Variants in TBL1Y observed in about 807,000 individuals in gnomAD.
TBL1Y encodes F-box-like/WD repeat-containing protein TBL1Y.
In TBL1Y, 15 loss-of-function variants were observed where a neutral mutation model predicts 12.0. The observed-to-expected ratio is 1.25, with a 90% confidence interval of 0.83 to 1.92. The LOEUF (loss-of-function observed/expected upper bound fraction) is 1.92. Ranked by LOEUF, TBL1Y falls within the 40% of genes most tolerant of loss-of-function variation. The pLI is 0.00. For missense variants in TBL1Y, 148 were observed against 116.7 expected (o/e 1.27, Z -1.24); for synonymous variants, 53 against 42.6 (o/e 1.24, Z -0.95).
intron 4 of TBL1Y, among the ~76,000 whole-genome samples, chrY:6,996,965 C>G: frequency 6.0e-5 from 2 of 33,289 alleles, no homozygotes; most frequent in South Asian, 1.4e-3. Context: ...ACAAACTACA[C>G]AGAAACTGGA....
At chrY:7,062,868 C>G in intron 7 of TBL1Y, among the ~76,000 whole-genome samples, 2 of 33,747 alleles carry the variant, frequency 5.9e-5, no homozygotes, top group African/African-American at 2.3e-4. Context: ...CCAAGGGGTA[C>G]TTCACTGAAC....
chrY:7,075,778 G>A, intron 13 of TBL1Y, among the ~76,000 whole-genome samples: 1 of 33,129 alleles, frequency 3.0e-5, no homozygotes, highest in East Asian at 8.0e-4. Context: ...CTACCTTTGC[G>A]GACAGGAAGG....
chrY:6,918,069 G>C (rs758829818), intron 2 of TBL1Y, among the ~76,000 whole-genome samples: 1 of 33,033 alleles, frequency 3.0e-5, no homozygotes. Flanking sequence ...TAGGAAAAAG[G>C]CTTCTAAAGT....
intron 2 of TBL1Y, among the ~76,000 whole-genome samples, chrY:6,963,135 A>G (rs940921443): frequency 3.0e-5 from 1 of 33,307 alleles, no homozygotes; most frequent in East Asian, 7.9e-4. Context: ...TCATAGGCTG[A>G]ACTGTACTCT....
chrY:6,998,972 T>A (rs2012427467), intron 4 of TBL1Y, among the ~76,000 whole-genome samples: 1 of 33,877 alleles, frequency 3.0e-5, no homozygotes, highest in African/African-American at 1.2e-4. Context: ...ATGATGTCAG[T>A]CCCTTTGTTG....
At chrY:6,992,794 C>G in intron 3 of TBL1Y, among the ~76,000 whole-genome samples, 1 of 33,814 alleles carries the variant, frequency 3.0e-5, no homozygotes, top group Non-Finnish European at 7.3e-5. Flanking sequence ...GGGACATCCC[C>G]TGACTCTTTT....
chrY:7,081,262 C>T, intron 14 of TBL1Y, among the ~76,000 whole-genome samples: 1 of 33,408 alleles, frequency 3.0e-5, no homozygotes, highest in Admixed American at 2.7e-4. Context: ...CAGATAATTG[C>T]TCGAGGCCAG....
chrY:6,952,083 G>C (rs762242987), intron 2 of TBL1Y, among the ~76,000 whole-genome samples: 1 of 32,944 alleles, frequency 3.0e-5, no homozygotes, highest in Admixed American at 2.8e-4. Context: ...GCCGAGGAGT[G>C]CTTTACTCCC....
intron 7 of TBL1Y, among the ~76,000 whole-genome samples, chrY:7,058,748 G>A (rs2012838842): frequency 1.2e-4 from 4 of 33,477 alleles, no homozygotes; most frequent in Non-Finnish European, 2.2e-4. Context: ...TTGTTCCATT[G>A]TGAGAGGTTT....
intron 7 of TBL1Y, among the ~76,000 whole-genome samples, chrY:7,051,120 G>A: frequency 5.9e-5 from 2 of 33,747 alleles, no homozygotes; most frequent in African/African-American, 1.2e-4. Context: ...TTAGGTACAT[G>A]ACCAGTAATC....
intron 2 of TBL1Y, among the ~76,000 whole-genome samples, chrY:6,927,842 T>C: frequency 3.0e-5 from 1 of 33,511 alleles, no homozygotes; most frequent in African/African-American, 1.2e-4. Context: ...ATTTCGTCTG[T>C]TGTGGTTATT....
At chrY:7,003,527 G>T in intron 4 of TBL1Y, among the ~76,000 whole-genome samples, 1 of 33,256 alleles carries the variant, frequency 3.0e-5, no homozygotes, top group African/African-American at 1.2e-4. Context: ...AGAGGGCAGG[G>T]GCTGGAGACA....
rs372077424 is a variant in TBL1Y, at chrY:7,061,981, C to T, written c.205-1916C>T. On this transcript the variant is annotated intron_variant, in intron 7 of 18. Coordinates refer to ENST00000383032, the MANE Select transcript of TBL1Y (RefSeq NM_033284.2). Reference sequence around the variant, plus strand: ...ACATTCATCTACCTCATGCTGGAGTCATTTTAGAGAGGGGTATTTAGGTTG... The same window carrying T: ...ACATTCATCTACCTCATGCTGGAGTTATTTTAGAGAGGGGTATTTAGGTTG... 4.6e-4 allele frequency among the ~76,000 whole-genome samples: 14 copies of T among 30,530 alleles called. No homozygotes were observed. The East Asian group carries it at 0.012, about 27-fold the overall frequency. 81.9% of individuals were successfully genotyped at this position (30,530 alleles called of 37,273 possible).
intron 7 of TBL1Y, among the ~76,000 whole-genome samples, chrY:7,062,706 A>G (rs1049129609): frequency 3.0e-5 from 1 of 32,877 alleles, no homozygotes; most frequent in Non-Finnish European, 7.5e-5. Flanking sequence ...TTGAGGCTTA[A>G]TTTCCCCACT....
At chrY:7,060,515 G>A (rs2012856388) in intron 7 of TBL1Y, among the ~76,000 whole-genome samples, 7 of 24,226 alleles carry the variant, frequency 2.9e-4, no homozygotes, top group Non-Finnish European at 5.5e-4. Context: ...TTTTCTCAAC[G>A]TTGATAACCA....
chrY:7,088,529 C>G (rs2013154693), intron 17 of TBL1Y, among the ~76,000 whole-genome samples: 1 of 32,349 alleles, frequency 3.1e-5, no homozygotes, highest in South Asian at 7.5e-4. Flanking sequence ...ATGCCAAGCC[C>G]AGCCCCACAG....
chrY:6,931,306 G>A (rs2011864715), intron 2 of TBL1Y, among the ~76,000 whole-genome samples: 2 of 33,526 alleles, frequency 6.0e-5, no homozygotes, highest in South Asian at 1.3e-3. Flanking sequence ...GGCTGAGGCA[G>A]GAGAATCACT....
At chrY:6,914,804 C>T in intron 2 of TBL1Y, among the ~76,000 whole-genome samples, 1 of 33,526 alleles carries the variant, frequency 3.0e-5, no homozygotes, top group Non-Finnish European at 7.4e-5. Context: ...GAAAATAACT[C>T]ACAGGTGGGC....
chrY:6,936,254 C>T, intron 2 of TBL1Y, among the ~76,000 whole-genome samples: 2 of 34,146 alleles, frequency 5.9e-5, no homozygotes, highest in Non-Finnish European at 1.5e-4. Context: ...TGTACCCTCT[C>T]TCTGCTGTGG....
Sources: gnomAD v4.1 joint callset for allele counts (sites outside exome capture counted in the v4.1 genomes callset) on GRCh38, gnomAD v4.1.1 for gene constraint, MANE v1.5 for transcripts, NCBI Gene and HGNC (gene_info 2026-07-23, HGNC 2026-07-21) for gene names.